The following DENND1A variants were observed in gnomAD, a reference collection of about 807,000 sequenced individuals.
DENND1A encodes DENN domain containing 1A.
Under a neutral mutation model 113.7 loss-of-function variants are expected in DENND1A, and 51 were observed. That is an observed-to-expected ratio of 0.45 (90% CI 0.36 to 0.57). The LOEUF (loss-of-function observed/expected upper bound fraction) is 0.57, where lower values mean the gene tolerates loss of function less well. Among genes scored for constraint, DENND1A ranks in the 20% least tolerant of loss-of-function variants. DENND1A has a pLI of 0.00. For synonymous variants in DENND1A, 565 were observed against 570.8 expected, an observed-to-expected ratio of 0.99 and a Z score of 0.14; for missense variants, 1,258 against 1,395.9, an observed-to-expected ratio of 0.90 and a Z score of 1.57.
intron 13 of DENND1A, among the ~76,000 whole-genome samples, chr9:123,555,648 G>A (rs2057374887): frequency 6.6e-6 from 1 of 152,236 alleles, no homozygotes. Context: ...TTTCACAGAT[G>A]AAGAAACTGA....
chr9:123,747,411 G>T (rs1221242311), intron 5 of DENND1A, among the ~76,000 whole-genome samples: 1 of 152,072 alleles, frequency 6.6e-6, no homozygotes, highest in Admixed American at 6.6e-5. Flanking sequence ...ATGCCTCTCA[G>T]AATTAATTCT....
At chr9:123,852,098 G>A (rs1210013376) in intron 2 of DENND1A, among the ~76,000 whole-genome samples, 1 of 152,126 alleles carries the variant, frequency 6.6e-6, no homozygotes, top group Admixed American at 6.6e-5. Context: ...CAGTGTCTTC[G>A]GCAGTTATCT....
intron 1 of DENND1A, among the ~76,000 whole-genome samples, chr9:123,894,242 C>T (rs1210228340): frequency 6.6e-6 from 1 of 152,206 alleles, no homozygotes; most frequent in Non-Finnish European, 1.5e-5. Flanking sequence ...CACATTAAAA[C>T]TTCTTTTTCC....
chr9:123,621,899 T>C (rs145632897), intron 10 of DENND1A, among the ~76,000 whole-genome samples: 1 of 152,210 alleles, frequency 6.6e-6, no homozygotes, highest in Non-Finnish European at 1.5e-5. Context: ...CTATGTGGAC[T>C]GTGCATCTTT....
intron 19 of DENND1A, among the ~76,000 whole-genome samples, chr9:123,412,312 G>A (rs1313629829): frequency 1.3e-5 from 2 of 152,244 alleles, no homozygotes; most frequent in African/African-American, 4.8e-5. Flanking sequence ...TGCCTTGTTT[G>A]CCACCCACCC....
chr9:123,738,111 T>C (rs906116855), intron 5 of DENND1A, among the ~76,000 whole-genome samples: 8 of 152,166 alleles, frequency 5.3e-5, no homozygotes, highest in African/African-American at 1.9e-4. Context: ...AACCAGTATT[T>C]GTTAAAGAGG....
At chr9:123,396,498 C>T (rs955815933) in intron 21 of DENND1A, among the ~76,000 whole-genome samples, 5 of 152,254 alleles carry the variant, frequency 3.3e-5, no homozygotes, top group African/African-American at 9.6e-5. Context: ...GGCCGTTGAA[C>T]GTGCACAAGC....
chr9:123,734,927 A>G (rs964536908), intron 5 of DENND1A, among the ~76,000 whole-genome samples: 12 of 152,224 alleles, frequency 7.9e-5, no homozygotes, highest in Admixed American at 1.3e-4. Flanking sequence ...ACTACCAGGC[A>G]GCATCATACG....
At chr9:123,471,034 C>T (rs753716100) in intron 13 of DENND1A, among the ~76,000 whole-genome samples, 29 of 152,058 alleles carry the variant, frequency 1.9e-4, no homozygotes, top group Non-Finnish European at 3.7e-4. Context: ...GCCTAGGCCT[C>T]GGTTTCTTCC....
intron 3 of DENND1A, among the ~76,000 whole-genome samples, chr9:123,791,822 T>C (rs1833029414): frequency 6.6e-6 from 1 of 152,236 alleles, no homozygotes; most frequent in Admixed American, 6.5e-5. Flanking sequence ...ATGCTTTTAT[T>C]TCAAAGCTGC....
At chr9:123,891,026 G>C (rs1849825296) in intron 1 of DENND1A, among the ~76,000 whole-genome samples, 1 of 151,940 alleles carries the variant, frequency 6.6e-6, no homozygotes, top group Non-Finnish European at 1.5e-5. Context: ...AAAAACCATA[G>C]TGTCTGGCTG....
chr9:123,836,456 C>T (rs1269574480), intron 2 of DENND1A, among the ~76,000 whole-genome samples: 1 of 151,846 alleles, frequency 6.6e-6, no homozygotes, highest in Non-Finnish European at 1.5e-5. Context: ...TTCATTTCTT[C>T]AGTCAAATTA....
At chr9:123,434,736 G>A (rs1298653067) in intron 19 of DENND1A, among the ~76,000 whole-genome samples, 3 of 152,188 alleles carry the variant, frequency 2.0e-5, no homozygotes, top group Non-Finnish European at 4.4e-5. Context: ...TGGACAGGCA[G>A]GTCACAAAGG....
intron 13 of DENND1A, among the ~76,000 whole-genome samples, chr9:123,487,856 A>G (rs940204913): frequency 3.9e-5 from 6 of 152,248 alleles, no homozygotes; most frequent in Non-Finnish European, 8.8e-5. Flanking sequence ...TCCCTATTTT[A>G]CAGGTGAAGA....
intron 6 of DENND1A, among the ~76,000 whole-genome samples, chr9:123,674,418 A>G (rs1324723074): frequency 6.7e-6 from 1 of 150,282 alleles, no homozygotes; most frequent in Non-Finnish European, 1.5e-5. Flanking sequence ...TTGCTTCCCA[A>G]CCTTCCCAAT....
chr9:123,548,673 T>C (rs538714317), intron 13 of DENND1A, among the ~76,000 whole-genome samples: 1 of 152,326 alleles, frequency 6.6e-6, no homozygotes, highest in Admixed American at 6.5e-5. Flanking sequence ...AGGTGTCCAT[T>C]AACAAGTGAG....
intron 2 of DENND1A, among the ~76,000 whole-genome samples, chr9:123,824,227 A>C (rs1838956760): frequency 6.6e-6 from 1 of 152,186 alleles, no homozygotes; most frequent in African/African-American, 2.4e-5. Flanking sequence ...GAGCAGAACC[A>C]GGACTTAATC....
chr9:123,485,245 TAAAC>T (rs1017086845), intron 13 of DENND1A, among the ~76,000 whole-genome samples: 3 of 152,188 alleles, frequency 2.0e-5, no homozygotes, highest in Non-Finnish European at 2.9e-5. Flanking sequence ...CTCGTGATTA[TAAAC>T]AAGCTCCATT....
At chr9:123,706,211 C>T (rs1413710811) in intron 5 of DENND1A, among the ~76,000 whole-genome samples, 2 of 147,774 alleles carry the variant, frequency 1.4e-5, no homozygotes, top group African/African-American at 2.5e-5. Context: ...ACTGCAGTGG[C>T]GCAATCTCGG....
Sources: gnomAD v4.1 joint callset for allele counts (sites outside exome capture counted in the v4.1 genomes callset) on GRCh38, gnomAD v4.1.1 for gene constraint, MANE v1.5 for transcripts, NCBI Gene and HGNC (gene_info 2026-07-23, HGNC 2026-07-21) for gene names.